CARMIL2: variants seen among roughly 807,000 people sequenced by gnomAD.
The protein encoded by CARMIL2 is capping protein regulator and myosin 1 linker 2, also known as capping protein, Arp2/3 and myosin-I linker protein 2.
Under a neutral mutation model 173.3 loss-of-function variants are expected in CARMIL2, and 96 were observed. That is an observed-to-expected ratio of 0.55 (90% confidence interval 0.47 to 0.66). The LOEUF (loss-of-function observed/expected upper bound fraction) is 0.66. CARMIL2 is among the 30% of genes least tolerant of loss of function. The pLI is 0.00. For synonymous variants in CARMIL2, 830 were observed against 817.1 expected (o/e 1.02, Z -0.27); for missense variants, 1,771 against 1,906.7 (o/e 0.93, Z 1.33).
chr16:67,649,242 C>G lies in CARMIL2; in HGVS notation c.1689-12C>G, dbSNP rs1234807817. On this transcript the variant is annotated splice_polypyrimidine_tract_variant and intron_variant, in intron 18 of 37. Coordinates refer to ENST00000334583, the MANE Select transcript of CARMIL2 (RefSeq NM_001013838.3). The surrounding 1 kb of genome is among the most constrained non-coding windows in gnomAD (Gnocchi z 6.7). ...CACCCCTGTCCCCCACAACTGCGGC[C>G]CCTGCCCACAGGGAGACCCTGGACG... 4 of 1,613,354 alleles carry G rather than the reference C, an allele frequency of 2.5e-6. No homozygotes were observed. Among genetic ancestry groups the G allele is most frequent in the Non-Finnish European group, 3.4e-6 (4 of 1,179,696 alleles).
Position 67,648,226 on chromosome 16 carries a change from C to T in CARMIL2, c.1246C>T (p.Leu416Phe), listed in dbSNP as rs2052638311. 5.6e-6 allele frequency: 9 copies of T among 1,604,242 alleles called. No homozygotes were observed. The highest frequency in any genetic ancestry group is 7.6e-6 in the Non-Finnish European group (9 of 1,176,582). Residue 416 changes from leucine to phenylalanine, a missense_variant, in exon 14 of 38, where the codon CTC (leucine) becomes TTC (phenylalanine). Coordinates refer to ENST00000334583, the MANE Select transcript of CARMIL2 (RefSeq NM_001013838.3). The surrounding 1 kb of genome is among the most constrained non-coding windows in gnomAD (Gnocchi z 6.1). ...LGPPAGVANS[L>F]PPQLFAAVSR... ...TCCCCCCGCGGGTGTAGCCAACAGC[C>T]TCCCCCCGCAGCTCTTCGCAGCGGT...
chr16:67,649,104 G>A lies in CARMIL2; in HGVS notation c.1620G>A (p.Val540=). The A allele has an allele frequency of 6.2e-7, 1 of 1,613,212 alleles. No homozygotes were observed. Among genetic ancestry groups the A allele is most frequent in the Non-Finnish European group, 8.5e-7 (1 of 1,179,710 alleles). Residue 540 remains valine, a synonymous_variant, in exon 18 of 38, where the codon GTG becomes GTA. Transcript: ENST00000334583. The surrounding 1 kb of genome is among the most constrained non-coding windows in gnomAD (Gnocchi z 6.7). ...TCGGCTCAGACATGGTGACTCTGGT[G>A]CTGGCCATCGGGAGAAGCCGGTCCC... ...NGFGSDMVTL[V]LAIGRSRSLR... is the part of the protein sequence containing the mutation.
At position 67,654,501 on chromosome 16, in the gene CARMIL2, A is replaced by G. The variant is rs748872503; in HGVS notation, c.3391A>G (p.Thr1131Ala). ...GGCAGCTCCCCGAACCCGAAAAACT[A>G]CATTTGGCGACCTACTGCGGCCGCC... The part of the protein sequence containing the change: ...PGAAPRTRKT[T>A]FGDLLRPPTR... The change falls in exon 31 of 38, where the codon ACA becomes GCA. Residue 1131 changes from threonine to alanine, a missense_variant. Thr to Ala is a moderately conservative substitution (Grantham distance 58, BLOSUM62 0). Transcript: ENST00000334583. 11 of 1,612,472 alleles carry G rather than the reference A, an allele frequency of 6.8e-6. No homozygotes were observed. The East Asian group carries it at 1.6e-4, about 23-fold the overall frequency.
Position 67,646,817 on chromosome 16 carries a change from G to T in CARMIL2, c.537+33G>T, listed in dbSNP as rs377467443. ...TAGGGCCCTTTTGAAGGGCTCTGGA[G>T]ACATCTGGTCCCCCATGTGTGCTGA... On this transcript the variant is annotated intron_variant, in intron 7 of 37. Coordinates refer to ENST00000334583, the MANE Select transcript of CARMIL2 (RefSeq NM_001013838.3). This position sits in a 1 kb window ranked among gnomAD's most constrained non-coding sequence, Gnocchi z 4.6. 6 of 1,612,524 alleles carry T rather than the reference G, an allele frequency of 3.7e-6. No individual in the cohort carries two copies. The Admixed American group carries it at 6.7e-5, about 18-fold the overall frequency.
In CARMIL2 at chr16:67,656,523, G is replaced by C. The variant is rs2052860397; in HGVS notation, c.3914G>C (p.Trp1305Ser). ...AATGCGGAGCTCAGGAGCCGTGGTTGGGGCCAACAGGATGGTCCAGGCCCT... is the reference window on the plus strand; with the variant it reads ...AATGCGGAGCTCAGGAGCCGTGGTTCGGGCCAACAGGATGGTCCAGGCCCT... Reference protein sequence around the residue: ...QLNAELRSRGWGQQDGPGPPS... With the variant: ...QLNAELRSRGSGQQDGPGPPS... The change falls in exon 35 of 38, where the codon TGG (tryptophan) becomes TCG (serine). Residue 1305 changes from tryptophan (W) to serine (S), a missense_variant. This residue lies in a region of CARMIL2 where 817 missense variants were observed against 903.5 expected (regional missense o/e 0.90). Transcript: ENST00000334583. 1.2e-6 allele frequency: 2 copies of C among 1,613,512 alleles called. No homozygotes were observed. The highest frequency in any genetic ancestry group is 1.7e-6 in the Non-Finnish European group (2 of 1,179,808).
At position 67,652,972 on chromosome 16, in the gene CARMIL2, C is replaced by A; in HGVS notation, c.2885-47C>A. 9.3e-7 allele frequency: 1 copy of A among 1,074,758 alleles called. No homozygotes were observed. The highest frequency in any genetic ancestry group is 1.2e-6 in the Non-Finnish European group (1 of 826,250). 66.6% of individuals were successfully genotyped at this position (1,074,758 alleles called of 1,614,324 possible). On this transcript the variant is annotated intron_variant, in intron 28 of 37. Coordinates refer to ENST00000334583, the MANE Select transcript of CARMIL2 (RefSeq NM_001013838.3). This position sits in a 1 kb window ranked among gnomAD's most constrained non-coding sequence, Gnocchi z 4.7. ...CGCCGCCCTAGCGCCTCCGCCGCCA[C>A]CTCCCCGGGCTCGGCGCTCGGTGCT...
Position 67,653,235 on chromosome 16 carries a change from C to T in CARMIL2, c.3101C>T (p.Pro1034Leu). The T allele has an allele frequency of 8.8e-7, 1 of 1,140,110 alleles. No homozygotes were observed. Among genetic ancestry groups the T allele is most frequent in the Non-Finnish European group, 1.1e-6 (1 of 928,186 alleles). The allele number at this position is 1,140,110 out of a possible 1,614,324, so 70.6% of individuals were successfully genotyped here. A position where few individuals can be genotyped will look rare whatever the true frequency, so the allele number is the denominator to read the frequency against. Reference sequence around the variant, plus strand: ...CCGCGCCGCCAGCACCACCACCGCCCGCCGCCGGGGGGCCCCCAGGTGAGC... The same window carrying T: ...CCGCGCCGCCAGCACCACCACCGCCTGCCGCCGGGGGGCCCCCAGGTGAGC... ...PRPRRQHHHRPPPGGPQVPPA... is the reference protein window; with the variant it reads ...PRPRRQHHHRLPPGGPQVPPA... The change falls in exon 29 of 38, where the codon CCG becomes CTG. Residue 1034 changes from proline to leucine, a missense_variant. Pro to Leu is a moderately conservative substitution (Grantham distance 98). Transcript: ENST00000334583. This position sits in a 1 kb window ranked among gnomAD's most constrained non-coding sequence, Gnocchi z 7.4.
At chr16:67,656,327 T>C (rs747864248) in intron 34 of CARMIL2, 28 bp downstream of exon 34, 5 of 1,613,178 alleles carry the variant, frequency 3.1e-6, no homozygotes, top group East Asian at 2.2e-5. Context: ...TGTGTGTTGG[T>C]AGTGGGAGCA....
At chr16:67,655,705 T>C (rs2052832371) in intron 32 of CARMIL2, among the ~76,000 whole-genome samples, 1 of 152,190 alleles carries the variant, frequency 6.6e-6, no homozygotes, top group Admixed American at 6.5e-5. Flanking sequence ...ATCCCTGCAG[T>C]GCCCATGGTT....
rs1468737382 is a variant in CARMIL2, at chr16:67,646,195, G to A, written c.259G>A (p.Glu87Lys). 6.2e-7 allele frequency: 1 copy of A among 1,613,800 alleles called. No homozygotes were observed. Residue 87 changes from glutamate to lysine, a missense_variant, in exon 5 of 38, where the codon GAG (glutamate) becomes AAG (lysine). This residue lies in a region of CARMIL2 where 944 missense variants were observed against 975.6 expected (regional missense o/e 0.97). Transcript: ENST00000334583. The surrounding 1 kb of genome is among the most constrained non-coding windows in gnomAD (Gnocchi z 4.6). ...AGTGCCCCTTCCCTAGGTCACCTTT[G>A]AGCTGGAGTCCCTGCGTGAGCTGGT... ...LQETPPQVTF[E>K]LESLRELVLE...
Position 67,646,639 on chromosome 16 carries a change from G to A in CARMIL2, c.467-75G>A, listed in dbSNP as rs1567626900. On this transcript the variant is annotated intron_variant, in intron 6 of 37. Transcript: ENST00000334583. This position sits in a 1 kb window ranked among gnomAD's most constrained non-coding sequence, Gnocchi z 4.6. ...TCAGGTCCCAGCCACCACCTAGTCTGTGGGTCTGGTCTTCCTCCATCGCTG... is the reference window on the plus strand; with the variant it reads ...TCAGGTCCCAGCCACCACCTAGTCTATGGGTCTGGTCTTCCTCCATCGCTG... The A allele has an allele frequency of 1.9e-6, 3 of 1,580,194 alleles. No individual in the cohort carries two copies. In the East Asian group the frequency reaches 6.7e-5, roughly 35 times the overall value.
rs767536979 is a variant in CARMIL2 at position 67,648,860 on chromosome 16, T to C, written c.1510-33T>C. ...CCTCCCCACTCGCGGCCTAAGTGGGTCCCACTTCCCACCTCCCACCTCCCA... is the reference window on the plus strand; with the variant it reads ...CCTCCCCACTCGCGGCCTAAGTGGGCCCCACTTCCCACCTCCCACCTCCCA... On this transcript the variant is annotated intron_variant, in intron 16 of 37. Coordinates refer to ENST00000334583, the MANE Select transcript of CARMIL2 (RefSeq NM_001013838.3). This position sits in a 1 kb window ranked among gnomAD's most constrained non-coding sequence, Gnocchi z 6.1. 1 of 1,586,212 alleles carries C rather than the reference T, an allele frequency of 6.3e-7. No individual in the cohort carries two copies. Among genetic ancestry groups the C allele is most frequent in the Admixed American group, 1.8e-5 (1 of 55,834 alleles).
Position 67,646,591 on chromosome 16 carries a change from G to A in CARMIL2, c.466+74G>A, listed in dbSNP as rs947915369. 2.5e-6 allele frequency: 4 copies of A among 1,582,048 alleles called. No homozygotes were observed. Among genetic ancestry groups the A allele is most frequent in the Non-Finnish European group, 2.6e-6 (3 of 1,154,734 alleles). On this transcript the variant is annotated intron_variant, in intron 6 of 37. Coordinates refer to ENST00000334583, the MANE Select transcript of CARMIL2 (RefSeq NM_001013838.3). The surrounding 1 kb of genome is among the most constrained non-coding windows in gnomAD (Gnocchi z 4.6). Reference sequence around the variant, plus strand: ...CCTCCCCAGACCCGCAAGCTGGGGGGGCCCCAAACTGAACAGAGCCATTCA... The same window carrying A: ...CCTCCCCAGACCCGCAAGCTGGGGGAGCCCCAAACTGAACAGAGCCATTCA...
Position 67,647,966 on chromosome 16 carries a change from G to T in CARMIL2, c.1071+8G>T, listed in dbSNP as rs2052630958. On this transcript the variant is annotated splice_region_variant and intron_variant, in intron 13 of 37. Transcript: ENST00000334583. ...GCCTCCGAGGACAGTGGGGTGAGTG[G>T]CTGTCTTCAGGGTGGGAGCTTGGGG... 1 of 1,604,874 alleles carries T rather than the reference G, an allele frequency of 6.2e-7. No individual in the cohort carries two copies. The highest frequency in any genetic ancestry group is 2.2e-5 in the East Asian group (1 of 44,834).
At position 67,657,211 on chromosome 16, in the gene CARMIL2, C is replaced by T. The variant is rs762487622; in HGVS notation, c.4118-28C>T. On this transcript the variant is annotated intron_variant, in intron 36 of 37. Coordinates refer to ENST00000334583, the MANE Select transcript of CARMIL2 (RefSeq NM_001013838.3). The surrounding 1 kb of genome is among the most constrained non-coding windows in gnomAD (Gnocchi z 4.5). Reference sequence around the variant, plus strand: ...TGGACAGACCCCAAGCCTTAGCAACCCACCCCAAGCCTTTCTGTGTCCCTT... The same window carrying T: ...TGGACAGACCCCAAGCCTTAGCAACTCACCCCAAGCCTTTCTGTGTCCCTT... The T allele has an allele frequency of 3.1e-6, 5 of 1,607,182 alleles. No individual in the cohort carries two copies. The East Asian group carries it at 9.0e-5, about 29-fold the overall frequency.
rs148023578 is a variant in CARMIL2 at position 67,652,419 on chromosome 16, C to T, written c.2818-53C>T. On this transcript the variant is annotated intron_variant, in intron 27 of 37. Transcript: ENST00000334583. The surrounding 1 kb of genome is among the most constrained non-coding windows in gnomAD (Gnocchi z 4.7). Reference sequence around the variant, plus strand: ...GGAGTGTGGAAGGTGAAAGGCAGCTCTTTTGGGTTGGTGCTCTCCTACCCC... The same window carrying T: ...GGAGTGTGGAAGGTGAAAGGCAGCTTTTTTGGGTTGGTGCTCTCCTACCCC... The T allele has an allele frequency of 2.1e-4, 340 of 1,611,874 alleles. 2 individuals carry two copies. Among genetic ancestry groups the T allele is most frequent in the Middle Eastern group, 8.3e-4 (5 of 6,060 alleles).
Position 67,652,199 on chromosome 16 carries a change from G to A in CARMIL2, c.2677G>A (p.Val893Met). The A allele has an allele frequency of 6.2e-7, 1 of 1,612,158 alleles. No homozygotes were observed. Residue 893 changes from valine (V) to methionine (M), a missense_variant and splice_region_variant, in exon 27 of 38, where the codon GTG becomes ATG. By Grantham distance (21) the Val-to-Met change is conservative. Around this residue, in one of 3 missense-constraint regions of CARMIL2, gnomAD observed 817 missense variants for 903.5 expected, o/e 0.90. Transcript: ENST00000334583. This position sits in a 1 kb window ranked among gnomAD's most constrained non-coding sequence, Gnocchi z 4.7. ...CATCTTTGGCTGCTTGGTATTGCAGGTGGAGAGTCTGGCTCAGCAGGCAAC... is the reference window on the plus strand; with the variant it reads ...CATCTTTGGCTGCTTGGTATTGCAGATGGAGAGTCTGGCTCAGCAGGCAAC... ...AGLSAARDQLVESLAQQATVT... is the reference protein window; with the variant it reads ...AGLSAARDQLMESLAQQATVT...
chr16:67,655,541 C>T (rs2052826376), intron 32 of CARMIL2, among the ~76,000 whole-genome samples: 1 of 152,246 alleles, frequency 6.6e-6, no homozygotes, highest in Non-Finnish European at 1.5e-5. Context: ...CTTCAGAGCC[C>T]TGTGGGGTCT....
At chr16:67,647,632 G>C (rs753117572) in intron 11 of CARMIL2, 30 bp downstream of exon 11, 1 of 1,603,116 alleles carries the variant, frequency 6.2e-7, no homozygotes, top group Non-Finnish European at 8.5e-7. Context: ...CCGCAGGGGT[G>C]GGCAGCAGGA....
Sources: allele counts gnomAD v4.1 joint callset (sites outside exome capture counted in the v4.1 genomes callset), GRCh38; gene constraint gnomAD v4.1.1; regional missense constraint gnomAD v4.1.1; non-coding constraint Gnocchi (gnomAD v3.1); transcripts MANE v1.5; gene names NCBI Gene and HGNC (gene_info 2026-07-23, HGNC 2026-07-21).